SAP130: variants seen among roughly 807,000 people sequenced by gnomAD.
The protein encoded by SAP130 is Sin3A associated protein 130.
A neutral mutation model predicts 103.2 loss-of-function variants in SAP130; 16 were observed. The observed-to-expected ratio is 0.16, with a 90% CI of 0.10 to 0.24. The LOEUF is 0.24. Among genes scored for constraint, SAP130 ranks in the 10% least tolerant of loss-of-function variants. The pLI, the probability that SAP130 is intolerant of heterozygous loss-of-function variation, is 1.00. For missense variants in SAP130, 990 were observed against 1,359.7 expected (o/e 0.73, Z 4.28); for synonymous variants, 477 against 497.0 (o/e 0.96, Z 0.53).
intron 18 of SAP130, among the ~76,000 whole-genome samples, chr2:127,946,094 G>T (rs887630666): frequency 2.6e-5 from 4 of 152,148 alleles, no homozygotes; most frequent in Non-Finnish European, 5.9e-5. Context: ...AGCTTGCCAC[G>T]TGTCAAGCCA....
rs1407877440 is a variant in SAP130 at position 128,016,583 on chromosome 2, C to T, written c.349-36G>A. 6 of 1,576,244 alleles carry T rather than the reference C, an allele frequency of 3.8e-6. No homozygotes were observed. The African/African-American group carries it at 8.1e-5, about 21-fold the overall frequency. ...AAAACCACACAAAACATATCAATGG[C>T]CTCATACTGGTGATGCATTTCAATC... On this transcript the variant is annotated intron_variant, in intron 3 of 20. Coordinates refer to ENST00000643581, the MANE Select transcript of SAP130 (RefSeq NM_001330301.2).
intron 6 of SAP130, among the ~76,000 whole-genome samples, 187 bp from the exon 7 acceptor site, chr2:128,010,580 C>CG (rs1390492080): frequency 6.6e-6 from 1 of 152,092 alleles, no homozygotes; most frequent in Non-Finnish European, 1.5e-5. Context: ...AGAGCCAGGC[C>CG]GGGCACGGTG....
Position 128,017,794 on chromosome 2 carries a change from C to T in SAP130, c.234G>A (p.Val78=). Residue 78 remains valine (V), a synonymous_variant, in exon 3 of 21, where the codon GTG becomes GTA. Coordinates refer to ENST00000643581, the MANE Select transcript of SAP130 (RefSeq NM_001330301.2). ...EPVVVRPYPQ[V]QMLSTHHAVA... is the part of the protein sequence containing the mutation. ...CAGCATGGTGTGTCGACAACATCTG[C>T]ACCTGTGGATAGGGCCTTACCACAA... is the stretch of plus-strand genomic sequence containing the variant. 2 of 1,614,258 alleles carry T rather than the reference C, an allele frequency of 1.2e-6. No homozygotes were observed. Among genetic ancestry groups the T allele is most frequent in the Non-Finnish European group, 1.7e-6 (2 of 1,180,042 alleles).
chr2:127,995,023 C>G (rs1366150211), intron 11 of SAP130, among the ~76,000 whole-genome samples: 1 of 131,330 alleles, frequency 7.6e-6, no homozygotes, highest in Non-Finnish European at 1.6e-5. Flanking sequence ...TAACAATAAC[C>G]TGTTTTTGAA....
chr2:127,990,179 C>T lies in SAP130; in HGVS notation c.1478-313G>A, dbSNP rs902058213. Among the ~76,000 whole-genome samples the T allele has an allele frequency of 6.6e-5, 10 of 151,864 alleles. 1 individual carries two copies. The highest frequency in any genetic ancestry group is 2.6e-4 in the Admixed American group (4 of 15,254). On this transcript the variant is annotated intron_variant, in intron 12 of 20. Coordinates refer to ENST00000643581, the MANE Select transcript of SAP130 (RefSeq NM_001330301.2). Reference sequence around the variant, plus strand: ...ACCATGCTAAATAATTAATATAAAACGTCAGAAATACACCCAGAGGTCCCA... The same window carrying T: ...ACCATGCTAAATAATTAATATAAAATGTCAGAAATACACCCAGAGGTCCCA...
intron 16 of SAP130, among the ~76,000 whole-genome samples, chr2:127,951,036 T>A (rs1004284196): frequency 6.6e-6 from 1 of 152,230 alleles, no homozygotes; most frequent in Non-Finnish European, 1.5e-5. Context: ...AGGTAACCTA[T>A]TAACTCATTA....
rs560259780 is a variant in SAP130 at position 127,946,524 on chromosome 2, G to T, written c.2798-965C>A. On this transcript the variant is annotated intron_variant, in intron 18 of 20. Transcript: ENST00000643581. ...TTTTCTTCTTTAGCTTTTGTTGTGG[G>T]TTGAATGGTTTTCCCCCCAAAGACA... Among the ~76,000 whole-genome samples the T allele has an allele frequency of 4.6e-5, 7 of 152,108 alleles. 1 individual carries two copies. The highest frequency in any genetic ancestry group is 9.6e-5 in the African/African-American group (4 of 41,474).
intron 18 of SAP130, among the ~76,000 whole-genome samples, chr2:127,948,328 G>GGTT (rs1679257779): frequency 9.8e-6 from 1 of 101,536 alleles, no homozygotes; most frequent in African/African-American, 3.7e-5. Context: ...TTTCCTGTGA[G>GGTT]TTTTTTTTTT....
chr2:127,981,130 G>C (rs572091133), intron 14 of SAP130, among the ~76,000 whole-genome samples: 1 of 151,800 alleles, frequency 6.6e-6, no homozygotes, highest in Non-Finnish European at 1.5e-5. Context: ...ACAGCTACCC[G>C]AGGGCAAAAG....
chr2:127,957,927 G>A (rs963826741), intron 15 of SAP130, among the ~76,000 whole-genome samples: 1 of 152,164 alleles, frequency 6.6e-6, no homozygotes, highest in Non-Finnish European at 1.5e-5. Context: ...TGGAAATTGA[G>A]TAGCAGAAAA....
At chr2:127,968,987 T>A (rs917174817) in intron 15 of SAP130, among the ~76,000 whole-genome samples, 31 of 152,308 alleles carry the variant, frequency 2.0e-4, no homozygotes, top group African/African-American at 7.5e-4. Flanking sequence ...TCACAAAACC[T>A]AAAATAACTT....
intron 2 of SAP130, among the ~76,000 whole-genome samples, chr2:128,023,724 C>T (rs577645462): frequency 6.6e-6 from 1 of 152,232 alleles, no homozygotes; most frequent in East Asian, 1.9e-4. Context: ...TTGCAGTGAG[C>T]CGAGATCATG....
Position 128,028,022 on chromosome 2 carries a change from C to T in SAP130, c.-89G>A, listed in dbSNP as rs192706205. ...CGTCTGTGGGGCCGACGTCCCCAGG[C>T]TCCGGACCCGCAGCCACCGCCGGGG... On this transcript the variant is annotated 5_prime_UTR_variant, in exon 1 of 21. Coordinates refer to ENST00000643581, the MANE Select transcript of SAP130 (RefSeq NM_001330301.2). 16 of 980,510 alleles carry T rather than the reference C, an allele frequency of 1.6e-5. No homozygotes were observed. The East Asian group carries it at 6.8e-4, about 42-fold the overall frequency. 60.7% of individuals were successfully genotyped at this position (980,510 alleles called of 1,614,324 possible).
chr2:127,955,585 C>G lies in SAP130; in HGVS notation c.2064-241G>C, dbSNP rs750706187. The stretch of plus-strand genomic sequence containing the variant: ...CACCGCAACCTCTGTCTTCTGGGCT[C>G]GAGGGATTCTCCCACCTCATCCTCC... On this transcript the variant is annotated intron_variant, in intron 15 of 20. Transcript: ENST00000643581. This position sits in a 1 kb window ranked among gnomAD's most constrained non-coding sequence, Gnocchi z 4.9. Among the ~76,000 whole-genome samples the G allele has an allele frequency of 1.3e-5, 2 of 152,092 alleles. No individual in the cohort carries two copies. Among genetic ancestry groups the G allele is most frequent in the Admixed American group, 1.3e-4 (2 of 15,270 alleles).
At chr2:127,981,954 G>A (rs1235728599) in intron 14 of SAP130, among the ~76,000 whole-genome samples, 1 of 152,186 alleles carries the variant, frequency 6.6e-6, no homozygotes, top group Non-Finnish European at 1.5e-5. Flanking sequence ...GCTCAATAAA[G>A]CTTGCTTGCC....
chr2:127,963,743 T>G (rs1392866506), intron 15 of SAP130, among the ~76,000 whole-genome samples: 1 of 152,178 alleles, frequency 6.6e-6, no homozygotes, highest in African/African-American at 2.4e-5. Flanking sequence ...TCATGAGATC[T>G]GACGGTTTTA....
rs200606465 is a variant in SAP130, at chr2:127,951,883, T to C, written c.2423-1475A>G. Among the ~76,000 whole-genome samples the C allele has an allele frequency of 2.1e-4, 32 of 152,290 alleles. No individual in the cohort carries two copies. In the East Asian group the frequency reaches 2.7e-3, roughly 13 times the overall value. ...CCATCTGTACTCTCAGTGGATGGCC[T>C]TGCTTTCTATTTTACTGAAAAAGAT... On this transcript the variant is annotated intron_variant, in intron 16 of 20. Coordinates refer to ENST00000643581, the MANE Select transcript of SAP130 (RefSeq NM_001330301.2).
Position 127,955,245 on chromosome 2 carries a change from G to C in SAP130, c.2163C>G (p.Ala721=), listed in dbSNP as rs773865029. ...GGGGCTGCTGGGCAGTTGGAGGGAC[G>C]GCAATGGTAGGCTGATCATTATTTT... ...SNQNNDQPTI[A]VPPTAQQPPP... is the part of the protein sequence containing the mutation. The change falls in exon 16 of 21, where the codon GCC becomes GCG. Residue 721 remains alanine, a synonymous_variant. Transcript: ENST00000643581. The surrounding 1 kb of genome is among the most constrained non-coding windows in gnomAD (Gnocchi z 4.9). 3 of 1,614,030 alleles carry C rather than the reference G, an allele frequency of 1.9e-6. No homozygotes were observed. The highest frequency in any genetic ancestry group is 2.5e-6 in the Non-Finnish European group (3 of 1,179,984).
rs770691513 is a variant in SAP130, at chr2:128,026,166, T to C, written c.112+15A>G. ...TAAAGTAGGAAAAAATATATTAGAATATTACATATCTCACCTGTAGCAGCT... is the reference window on the plus strand; with the variant it reads ...TAAAGTAGGAAAAAATATATTAGAACATTACATATCTCACCTGTAGCAGCT... On this transcript the variant is annotated intron_variant, in intron 2 of 20. Transcript: ENST00000643581. 2.6e-6 allele frequency: 4 copies of C among 1,524,218 alleles called. No homozygotes were observed. Among genetic ancestry groups the C allele is most frequent in the Non-Finnish European group, 2.7e-6 (3 of 1,102,594 alleles). 94.4% of individuals were successfully genotyped at this position (1,524,218 alleles called of 1,614,324 possible).
Sources: allele counts gnomAD v4.1 joint callset (sites outside exome capture counted in the v4.1 genomes callset), GRCh38; gene constraint gnomAD v4.1.1; non-coding constraint Gnocchi (gnomAD v3.1); transcripts MANE v1.5; gene names NCBI Gene and HGNC (gene_info 2026-07-23, HGNC 2026-07-21).